TBL1XR1: variants seen among roughly 807,000 people sequenced by gnomAD.
TBL1XR1 encodes TBL1X/Y related 1.
In TBL1XR1, 5 loss-of-function variants were observed where a neutral mutation model predicts 66.9. The ratio of observed to expected loss-of-function variants is 0.07; its 90% CI spans 0.04 to 0.16. The LOEUF is 0.16. Among genes scored for constraint, TBL1XR1 ranks in the 10% least tolerant of loss-of-function variants. The probability of loss-of-function intolerance (pLI) is 1.00; values close to 1 mark genes in which losing one functional copy is unlikely to be tolerated. For missense variants in TBL1XR1, 238 were observed against 623.2 expected (o/e 0.38, Z 6.58); for synonymous variants, 210 against 206.0 (o/e 1.02, Z -0.17).
intron 14 of TBL1XR1, among the ~76,000 whole-genome samples, chr3:177,028,972 CA>C (rs1445598604): frequency 2.6e-5 from 4 of 151,862 alleles, no homozygotes; most frequent in Non-Finnish European, 5.9e-5. Context: ...ACTGACTACC[CA>C]AATGGAAATA....
chr3:177,174,266 G>C (rs527740190), intron 1 of TBL1XR1, among the ~76,000 whole-genome samples: 1 of 151,818 alleles, frequency 6.6e-6, no homozygotes, highest in Non-Finnish European at 1.5e-5. Context: ...AAAATTAGCC[G>C]GCCGGAGTGG....
rs1180910336 is a variant in TBL1XR1 at position 177,047,469 on chromosome 3, G to A, written c.766+17C>T. On this transcript the variant is annotated intron_variant, in intron 8 of 15. Transcript: ENST00000457928. ...TTTAGATCAACAACAAAGTAAAAAG[G>A]AAAATGCTTCATTTACCATCTTTAG... The A allele has an allele frequency of 9.9e-6, 16 of 1,611,310 alleles. No homozygotes were observed. Among genetic ancestry groups the A allele is most frequent in the South Asian group, 7.7e-5 (7 of 90,678 alleles).
At position 177,123,442 on chromosome 3, in the gene TBL1XR1, G is replaced by A. The variant is rs185487957; in HGVS notation, c.-121-24901C>T. Among the ~76,000 whole-genome samples the A allele has an allele frequency of 4.5e-3, 678 of 152,044 alleles. 5 individuals carry two copies. Among genetic ancestry groups the A allele is most frequent in the African/African-American group, 0.015 (636 of 41,522 alleles). On this transcript the variant is annotated intron_variant, in intron 1 of 15. Transcript: ENST00000457928. ...TCAGACTATGCTCAAATCTTTAACAGAGAAAACCCCTACAATTGGGCAAAC... is the reference window on the plus strand; with the variant it reads ...TCAGACTATGCTCAAATCTTTAACAAAGAAAACCCCTACAATTGGGCAAAC...
intron 1 of TBL1XR1, among the ~76,000 whole-genome samples, chr3:177,192,290 G>C (rs1736245826): frequency 6.6e-6 from 1 of 151,688 alleles, no homozygotes; most frequent in South Asian, 2.1e-4. Context: ...GCTGAGGCAG[G>C]AGAATCGCTT....
At chr3:177,096,306 C>T in intron 2 of TBL1XR1, among the ~76,000 whole-genome samples, 1 of 138,586 alleles carries the variant, frequency 7.2e-6, no homozygotes, top group Admixed American at 7.6e-5. Context: ...TGGTCTCCTT[C>T]ATCTCTAACA....
At chr3:177,144,426 G>A (rs1034992794) in intron 1 of TBL1XR1, among the ~76,000 whole-genome samples, 2 of 152,110 alleles carry the variant, frequency 1.3e-5, no homozygotes, top group African/African-American at 4.8e-5. Flanking sequence ...GGTCTCTGTT[G>A]CAACTACTCA....
chr3:177,171,937 T>G (rs1056451731), intron 1 of TBL1XR1, among the ~76,000 whole-genome samples: 1 of 152,020 alleles, frequency 6.6e-6, no homozygotes, highest in African/African-American at 2.4e-5. Context: ...GGAACAACTG[T>G]AGCAGCAAAT....
At chr3:177,141,446 G>A (rs942583541) in intron 1 of TBL1XR1, among the ~76,000 whole-genome samples, 6 of 152,088 alleles carry the variant, frequency 3.9e-5, no homozygotes, top group African/African-American at 1.5e-4. Context: ...GTTATCAACA[G>A]AACAGTATGC....
At chr3:177,167,959 A>G (rs890583526) in intron 1 of TBL1XR1, among the ~76,000 whole-genome samples, 2 of 152,112 alleles carry the variant, frequency 1.3e-5, no homozygotes, top group Non-Finnish European at 2.9e-5. Context: ...AGTATCTTAA[A>G]AAAGTGTTGT....
intron 2 of TBL1XR1, among the ~76,000 whole-genome samples, chr3:177,081,799 T>C (rs1306083584): frequency 6.6e-6 from 1 of 151,646 alleles, no homozygotes; most frequent in Non-Finnish European, 1.5e-5. Flanking sequence ...AATTATAAGA[T>C]ACAATTAATA....
chr3:177,074,607 T>C (rs571418835), intron 2 of TBL1XR1, among the ~76,000 whole-genome samples: 21 of 152,248 alleles, frequency 1.4e-4, no homozygotes, highest in Non-Finnish European at 5.9e-5. Context: ...TCCCCGGCAT[T>C]CTAACATCAA....
chr3:177,053,360 C>T (rs35688403), intron 4 of TBL1XR1, among the ~76,000 whole-genome samples: 78 of 152,224 alleles, frequency 5.1e-4, no homozygotes, highest in Non-Finnish European at 1.0e-3. Flanking sequence ...ACCCCTAAGC[C>T]AAACAAACTA....
At chr3:177,071,529 A>G (rs1720012284) in intron 2 of TBL1XR1, among the ~76,000 whole-genome samples, 1 of 152,200 alleles carries the variant, frequency 6.6e-6, no homozygotes, top group Admixed American at 6.5e-5. Flanking sequence ...GGGCTAGAGT[A>G]AAAATGTCCA....
chr3:177,059,233 A>G (rs1333777095), intron 3 of TBL1XR1, among the ~76,000 whole-genome samples: 1 of 152,218 alleles, frequency 6.6e-6, no homozygotes, highest in Non-Finnish European at 1.5e-5. Flanking sequence ...CTGTTCATAA[A>G]TGGCACTGGG....
intron 10 of TBL1XR1, among the ~76,000 whole-genome samples, chr3:177,042,437 GA>G (rs780664177): frequency 1.4e-4 from 21 of 152,054 alleles, no homozygotes; most frequent in Non-Finnish European, 1.3e-4. Context: ...GTTCATAAAA[GA>G]AAAACAAAAC....
chr3:177,167,926 C>CA (rs1043557539), intron 1 of TBL1XR1, among the ~76,000 whole-genome samples: 55 of 150,420 alleles, frequency 3.7e-4, no homozygotes, highest in Admixed American at 1.2e-3. Flanking sequence ...AACACTGTTT[C>CA]AAAAAAAACA....
At chr3:177,113,491 A>T (rs1454654422) in intron 1 of TBL1XR1, among the ~76,000 whole-genome samples, 12 of 152,168 alleles carry the variant, frequency 7.9e-5, no homozygotes, top group African/African-American at 2.9e-4. Flanking sequence ...ATCTAAAAGA[A>T]CTTAAGACAA....
intron 1 of TBL1XR1, among the ~76,000 whole-genome samples, chr3:177,193,610 G>A (rs1270925868): frequency 6.6e-6 from 1 of 152,194 alleles, no homozygotes; most frequent in Non-Finnish European, 1.5e-5. Flanking sequence ...CACCCAGCAA[G>A]ACTGCATCTT....
intron 2 of TBL1XR1, among the ~76,000 whole-genome samples, chr3:177,081,990 A>C (rs1357476779): frequency 1.3e-5 from 2 of 152,174 alleles, no homozygotes; most frequent in East Asian, 3.9e-4. Context: ...CACAGTGTGA[A>C]ACCCCCTTGA....
Sources: gnomAD v4.1 joint callset for allele counts (sites outside exome capture counted in the v4.1 genomes callset) on GRCh38, gnomAD v4.1.1 for gene constraint, MANE v1.5 for transcripts, NCBI Gene and HGNC (gene_info 2026-07-23, HGNC 2026-07-21) for gene names.